RANBP3L: variants seen among roughly 807,000 people sequenced by gnomAD.
RANBP3L encodes ran-binding protein 3-like.
Under a neutral mutation model 67.2 loss-of-function variants are expected in RANBP3L, and 56 were observed. The observed-to-expected ratio is 0.83, with a 90% CI of 0.67 to 1.04. The LOEUF (loss-of-function observed/expected upper bound fraction) is 1.04. Among genes scored for constraint, RANBP3L ranks in the 50% least tolerant of loss-of-function variants. The pLI is 0.00. For missense variants in RANBP3L, 496 were observed against 535.5 expected (o/e 0.93, Z 0.73); for synonymous variants, 164 against 181.4 (o/e 0.90, Z 0.77).
rs1354504891 is a variant in RANBP3L at position 36,293,664 on chromosome 5, G to A, written c.91+7662C>T. Among the ~76,000 whole-genome samples, 134 of 142,628 alleles carry A rather than the reference G, an allele frequency of 9.4e-4. 1 individual carries two copies. Among genetic ancestry groups the A allele is most frequent in the African/African-American group, 3.2e-3 (127 of 39,800 alleles). The allele number at this position is 142,628 out of a possible 152,430, so 93.6% of individuals were successfully genotyped here. On this transcript the variant is annotated intron_variant, in intron 1 of 13. Transcript: ENST00000296604. ...TCTGCATCCATTGAGATAATCATGT[G>A]GTTTTTGTCGTTGGTTCTGTTTATA...
Position 36,301,459 on chromosome 5 carries a change from C to G in RANBP3L, c.-43G>C, listed in dbSNP as rs754812157. On this transcript the variant is annotated 5_prime_UTR_variant, in exon 1 of 14. Transcript: ENST00000296604. Reference sequence around the variant, plus strand: ...TGTGACTCAAGGATCACTAGGGCACCTCCTTCTCTGGCCAGTCACCTAAAG... The same window carrying G: ...TGTGACTCAAGGATCACTAGGGCACGTCCTTCTCTGGCCAGTCACCTAAAG... 7.4e-6 allele frequency: 11 copies of G among 1,494,536 alleles called. No individual in the cohort carries two copies. The highest frequency in any genetic ancestry group is 1.1e-5 in the South Asian group (1 of 88,668). 92.6% of individuals were successfully genotyped at this position (1,494,536 alleles called of 1,614,324 possible).
chr5:36,249,958 CTG>C (rs1289922616), intron 13 of RANBP3L, among the ~76,000 whole-genome samples: 2 of 151,860 alleles, frequency 1.3e-5, no homozygotes, highest in African/African-American at 4.8e-5. Context: ...TTTGTTTTTA[CTG>C]CCTCCTGGAG....
intron 1 of RANBP3L, among the ~76,000 whole-genome samples, chr5:36,277,998 G>A (rs1479272518): frequency 2.0e-5 from 3 of 152,146 alleles, no homozygotes; most frequent in African/African-American, 7.2e-5. Flanking sequence ...ACTACCACGA[G>A]AACAGCTCAT....
intron 1 of RANBP3L, among the ~76,000 whole-genome samples, chr5:36,295,282 C>A (rs1156895719): frequency 1.3e-5 from 2 of 152,040 alleles, no homozygotes; most frequent in Non-Finnish European, 2.9e-5. Flanking sequence ...GGGAGGGACC[C>A]AGTGGGAGGT....
At chr5:36,279,220 T>C (rs1750807359) in intron 1 of RANBP3L, among the ~76,000 whole-genome samples, 2 of 152,232 alleles carry the variant, frequency 1.3e-5, no homozygotes, top group East Asian at 3.9e-4. Context: ...TTTAAGATAG[T>C]TAGAGAAGGG....
At position 36,257,046 on chromosome 5, in the gene RANBP3L, G is replaced by A. The variant is rs564076454; in HGVS notation, c.798C>T (p.Ser266=). The A allele has an allele frequency of 6.2e-7, 1 of 1,612,172 alleles. No homozygotes were observed. The highest frequency in any genetic ancestry group is 1.1e-5 in the South Asian group (1 of 90,836). ...SSRTDSIKNT[S]LIESAAAFSS... is the part of the protein sequence containing the mutation. ...AGAATGCAGCAGCTGATTCAATTAGGGAAGTATTTTTAATAGAGTCTGTTC... is the reference window on the plus strand; with the variant it reads ...AGAATGCAGCAGCTGATTCAATTAGAGAAGTATTTTTAATAGAGTCTGTTC... Residue 266 remains serine (S), a synonymous_variant, in exon 10 of 14, where the codon TCC becomes TCT. Coordinates refer to ENST00000296604, the MANE Select transcript of RANBP3L (RefSeq NM_145000.5).
chr5:36,268,372 A>G (rs1749960284), intron 4 of RANBP3L: 1 of 615,106 alleles, frequency 1.6e-6, no homozygotes, highest in Non-Finnish European at 2.7e-6. Context: ...ACTAATTTAG[A>G]AAAATCTTTT....
chr5:36,265,596 C>T, intron 4 of RANBP3L, 76 bp from the exon 5 acceptor site: 1 of 803,988 alleles, frequency 1.2e-6, no homozygotes, highest in Non-Finnish European at 2.0e-6. Flanking sequence ...CTTAACAATC[C>T]CATTCCGAAC....
At chr5:36,274,724 A>G (rs776443237) in intron 1 of RANBP3L, among the ~76,000 whole-genome samples, 1 of 151,974 alleles carries the variant, frequency 6.6e-6, no homozygotes, top group African/African-American at 2.4e-5. Flanking sequence ...TTTGATATGC[A>G]TTTTTTCTTT....
At chr5:36,267,186 A>C (rs929074039) in intron 4 of RANBP3L, among the ~76,000 whole-genome samples, 10 of 152,180 alleles carry the variant, frequency 6.6e-5, no homozygotes, top group African/African-American at 2.4e-4. Context: ...GCAATTATTA[A>C]TAAGAATACA....
chr5:36,263,667 C>T (rs938965688), intron 6 of RANBP3L, among the ~76,000 whole-genome samples: 17 of 152,258 alleles, frequency 1.1e-4, no homozygotes, highest in African/African-American at 3.4e-4. Context: ...GCTAGGACTA[C>T]AGGCACATGC....
At chr5:36,270,559 T>C (rs746173269) in intron 2 of RANBP3L, among the ~76,000 whole-genome samples, 2 of 152,190 alleles carry the variant, frequency 1.3e-5, no homozygotes, top group Non-Finnish European at 2.9e-5. Context: ...AGTGCAATCA[T>C]AGCTCACTGC....
intron 4 of RANBP3L, among the ~76,000 whole-genome samples, chr5:36,265,870 G>A (rs1415274313): frequency 2.6e-5 from 4 of 151,830 alleles, no homozygotes; most frequent in South Asian, 4.2e-4. Flanking sequence ...CCAGCTACTC[G>A]GGAGGCTGAG....
intron 2 of RANBP3L, among the ~76,000 whole-genome samples, chr5:36,270,623 TG>T (rs1200647915): frequency 4.6e-5 from 7 of 152,188 alleles, no homozygotes; most frequent in African/African-American, 1.7e-4. Flanking sequence ...CCCAAGTAGC[TG>T]GGACTGACTA....
Position 36,251,450 on chromosome 5 carries a change from A to T in RANBP3L, c.1217T>A (p.Leu406His). 2 of 1,612,966 alleles carry T rather than the reference A, an allele frequency of 1.2e-6. No individual in the cohort carries two copies. The highest frequency in any genetic ancestry group is 1.7e-4 in the Middle Eastern group (1 of 6,058). ...CTTATTGAAGCTTTGAAGTGCAACA[A>T]GACGATGATGTATTGCTGCATACAA... ...AYLYAAIHHRLVALQSFNKQR... is the reference protein window; with the variant it reads ...AYLYAAIHHRHVALQSFNKQR... Residue 406 changes from leucine (L) to histidine (H), a missense_variant, in exon 13 of 14, where the codon CTT (leucine) becomes CAT (histidine). By Grantham distance (99) the Leu-to-His change is moderately conservative. Coordinates refer to ENST00000296604, the MANE Select transcript of RANBP3L (RefSeq NM_145000.5).
chr5:36,256,790 A>G (rs1749006100), intron 10 of RANBP3L, 151 bp downstream of exon 10: 6 of 659,374 alleles, frequency 9.1e-6, no homozygotes, highest in Admixed American at 3.3e-5. Context: ...TATTGGTTCA[A>G]TTTTTGAGAG....
chr5:36,278,632 A>C (rs1750763269), intron 1 of RANBP3L, among the ~76,000 whole-genome samples: 2 of 152,196 alleles, frequency 1.3e-5, no homozygotes, highest in African/African-American at 2.4e-5. Flanking sequence ...TAAGCTCACA[A>C]TTAATGTGAA....
rs545158879 is a variant in RANBP3L, at chr5:36,254,024, A to G, written c.1025-235T>C. Among the ~76,000 whole-genome samples, 7 of 152,096 alleles carry G rather than the reference A, an allele frequency of 4.6e-5. No individual in the cohort carries two copies. In the South Asian group the frequency reaches 1.4e-3, roughly 31 times the overall value. ...TTACTGTAATATTTAAAAGTGGTTA[A>G]AATTTTAGAACTCCTTTTAAGAACT... On this transcript the variant is annotated intron_variant, in intron 11 of 13. Coordinates refer to ENST00000296604, the MANE Select transcript of RANBP3L (RefSeq NM_145000.5).
chr5:36,287,736 T>C (rs1751428456), intron 1 of RANBP3L, among the ~76,000 whole-genome samples: 1 of 152,214 alleles, frequency 6.6e-6, no homozygotes, highest in South Asian at 2.1e-4. Context: ...TCTCATTGAT[T>C]AGCTAATTTT....
Sources: gnomAD v4.1 joint callset for allele counts (sites outside exome capture counted in the v4.1 genomes callset) on GRCh38, gnomAD v4.1.1 for gene constraint, MANE v1.5 for transcripts, NCBI Gene and HGNC (gene_info 2026-07-23, HGNC 2026-07-21) for gene names.